The following GALNT7 variants were observed in gnomAD, a reference collection of about 807,000 sequenced individuals.
The protein encoded by GALNT7 is polypeptide N-acetylgalactosaminyltransferase 7, also known as N-acetylgalactosaminyltransferase 7.
A neutral mutation model predicts 82.1 loss-of-function variants in GALNT7; 60 were observed. That is an observed-to-expected ratio of 0.73 (90% CI 0.59 to 0.91). The LOEUF (loss-of-function observed/expected upper bound fraction) is 0.91. Among genes scored for constraint, GALNT7 ranks in the 40% least tolerant of loss-of-function variants. The pLI is 0.00. For missense variants in GALNT7, 660 were observed against 804.2 expected, an observed-to-expected ratio of 0.82 and a Z score of 2.17; for synonymous variants, 243 against 275.1, an observed-to-expected ratio of 0.88 and a Z score of 1.15.
intron 3 of GALNT7, among the ~76,000 whole-genome samples, chr4:173,294,578 C>A (rs1736653045): frequency 6.6e-6 from 1 of 151,988 alleles, no homozygotes; most frequent in African/African-American, 2.4e-5. Flanking sequence ...CAATTGAGGA[C>A]AATGCTTGTG....
chr4:173,183,335 C>T (rs1480386634), intron 1 of GALNT7, among the ~76,000 whole-genome samples: 2 of 150,718 alleles, frequency 1.3e-5, no homozygotes, highest in East Asian at 3.9e-4. Context: ...TTTGAAATAC[C>T]ACAGGTCTTG....
At chr4:173,192,829 G>T (rs1399588751) in intron 1 of GALNT7, among the ~76,000 whole-genome samples, 4 of 152,198 alleles carry the variant, frequency 2.6e-5, no homozygotes, top group Non-Finnish European at 5.9e-5. Flanking sequence ...GGGTGGGAAG[G>T]TTCAACCCTG....
At chr4:173,318,318 G>T in intron 10 of GALNT7, 113 bp from the exon 11 acceptor site, 1 of 767,040 alleles carries the variant, frequency 1.3e-6, no homozygotes, top group Admixed American at 3.2e-5. Flanking sequence ...CAAAATTATG[G>T]AAAAATAAGT....
At chr4:173,185,275 G>A (rs567739338) in intron 1 of GALNT7, among the ~76,000 whole-genome samples, 3 of 152,142 alleles carry the variant, frequency 2.0e-5, no homozygotes, top group South Asian at 2.1e-4. Flanking sequence ...TCACCACTCC[G>A]TGAAAGTGTG....
intron 1 of GALNT7, among the ~76,000 whole-genome samples, chr4:173,240,352 G>A (rs2126724950): frequency 7.0e-6 from 1 of 142,246 alleles, no homozygotes; most frequent in South Asian, 2.2e-4. Context: ...AGTGGACACT[G>A]GCTAATTTTT....
intron 1 of GALNT7, among the ~76,000 whole-genome samples, chr4:173,194,147 T>G (rs1168042908): frequency 6.6e-6 from 1 of 152,202 alleles, no homozygotes; most frequent in Non-Finnish European, 1.5e-5. Flanking sequence ...AAGTGTTTGC[T>G]TAGGGTACAG....
At chr4:173,215,066 GCTC>G (rs1366276395) in intron 1 of GALNT7, among the ~76,000 whole-genome samples, 3 of 151,998 alleles carry the variant, frequency 2.0e-5, no homozygotes, top group Non-Finnish European at 4.4e-5. Flanking sequence ...CAGAATCTAA[GCTC>G]CTGGAAAGCA....
At chr4:173,224,253 C>G (rs1295279488) in intron 1 of GALNT7, among the ~76,000 whole-genome samples, 1 of 152,160 alleles carries the variant, frequency 6.6e-6, no homozygotes, top group Non-Finnish European at 1.5e-5. Context: ...AATCCTTCCC[C>G]TTTACCACGT....
chr4:173,261,481 G>A (rs115499952), intron 2 of GALNT7, among the ~76,000 whole-genome samples: 5,260 of 152,030 alleles, frequency 0.035, 115 homozygotes, highest in South Asian at 0.068. Flanking sequence ...TAATAACTTG[G>A]CTTGTCAGAG....
At chr4:173,267,149 T>C (rs1186614214) in intron 2 of GALNT7, among the ~76,000 whole-genome samples, 1 of 152,170 alleles carries the variant, frequency 6.6e-6, no homozygotes, top group East Asian at 1.9e-4. Flanking sequence ...CCTGCTTTGA[T>C]CATTACCCAT....
rs75449063 is a variant in GALNT7 at position 173,300,589 on chromosome 4, G to A, written c.1149-1458G>A. Among the ~76,000 whole-genome samples the A allele has an allele frequency of 4.1e-3, 620 of 152,056 alleles. 7 individuals are homozygous for A. In the East Asian group the frequency reaches 0.056, roughly 14 times the overall value. Reference sequence around the variant, plus strand: ...CTTAAGACAGAAAGGAGGCTGGCACGTTCCCGGTGGGAGCAGAGCCGTGAA... The same window carrying A: ...CTTAAGACAGAAAGGAGGCTGGCACATTCCCGGTGGGAGCAGAGCCGTGAA... On this transcript the variant is annotated intron_variant, in intron 6 of 11. Transcript: ENST00000265000.
chr4:173,213,441 GA>G (rs1384338096), intron 1 of GALNT7, among the ~76,000 whole-genome samples: 11 of 151,072 alleles, frequency 7.3e-5, no homozygotes, highest in East Asian at 5.8e-4. Context: ...AAGCTGGCAA[GA>G]AAAAAAAAGT....
At chr4:173,312,461 C>T (rs1377304236) in intron 8 of GALNT7, among the ~76,000 whole-genome samples, 4 of 152,160 alleles carry the variant, frequency 2.6e-5, no homozygotes, top group African/African-American at 9.7e-5. Context: ...CTTGTGGGAA[C>T]GAATCCACTT....
intron 1 of GALNT7, among the ~76,000 whole-genome samples, chr4:173,195,616 A>G (rs1732751314): frequency 6.6e-6 from 1 of 152,216 alleles, no homozygotes; most frequent in South Asian, 2.1e-4. Context: ...CCTGAAGGTA[A>G]TCTCTCAAAG....
intron 1 of GALNT7, among the ~76,000 whole-genome samples, chr4:173,205,479 GTTC>G (rs1305231306): frequency 1.3e-5 from 2 of 151,956 alleles, no homozygotes; most frequent in Non-Finnish European, 1.5e-5. Flanking sequence ...ACTTTATTCT[GTTC>G]TTCTCTCTTG....
In GALNT7 at chr4:173,302,949, C is replaced by A. The variant is rs1316949515; in HGVS notation, c.1266+785C>A. Among the ~76,000 whole-genome samples the A allele has an allele frequency of 1.3e-5, 2 of 152,238 alleles. No homozygotes were observed. Among genetic ancestry groups the A allele is most frequent in the African/African-American group, 4.8e-5 (2 of 41,454 alleles). On this transcript the variant is annotated intron_variant, in intron 7 of 11. Transcript: ENST00000265000. The surrounding 1 kb of genome is among the most constrained non-coding windows in gnomAD (Gnocchi z 4.2). ...CAGGCGCTCATGCCTATAAACCCAT[C>A]ACTTTGGGAGGCCAACATGGGCGGA...
At chr4:173,284,369 A>T (rs923186448) in intron 2 of GALNT7, among the ~76,000 whole-genome samples, 7 of 152,248 alleles carry the variant, frequency 4.6e-5, no homozygotes, top group African/African-American at 1.7e-4. Flanking sequence ...CCAACATAAC[A>T]ACCTTAATTG....
chr4:173,301,797 G>A (rs756021584), intron 6 of GALNT7, among the ~76,000 whole-genome samples: 1 of 152,144 alleles, frequency 6.6e-6, no homozygotes, highest in Non-Finnish European at 1.5e-5. Context: ...GCCCTCTAAT[G>A]GTGAACTCAA....
intron 1 of GALNT7, among the ~76,000 whole-genome samples, chr4:173,184,613 G>A (rs1427214383): frequency 7.4e-6 from 1 of 135,880 alleles, no homozygotes; most frequent in Non-Finnish European, 1.6e-5. Flanking sequence ...ATCAGAGGGA[G>A]ACCAGGGAGA....
Sources: gnomAD v4.1 joint callset for allele counts (sites outside exome capture counted in the v4.1 genomes callset) on GRCh38, gnomAD v4.1.1 for gene constraint, Gnocchi (gnomAD v3.1) non-coding constraint, MANE v1.5 for transcripts, NCBI Gene and HGNC (gene_info 2026-07-23, HGNC 2026-07-21) for gene names.